NFKB1: variants seen among roughly 807,000 people sequenced by gnomAD.
NFKB1 encodes nuclear factor kappa B subunit 1, also known as nuclear factor NF-kappa-B p105 subunit.
In NFKB1, 9 loss-of-function variants were observed where a neutral mutation model predicts 105.1. The ratio of observed to expected loss-of-function variants is 0.09; its 90% CI spans 0.05 to 0.15. The LOEUF (loss-of-function observed/expected upper bound fraction) is 0.15. Among genes scored for constraint, NFKB1 ranks in the 10% least tolerant of loss-of-function variants. The probability of loss-of-function intolerance (pLI) is 1.00; values close to 1 mark genes in which losing one functional copy is unlikely to be tolerated. For synonymous variants in NFKB1, 440 were observed against 442.2 expected (o/e 1.00, Z 0.06); for missense variants, 830 against 1,203.7 (o/e 0.69, Z 4.59).
intron 6 of NFKB1, among the ~76,000 whole-genome samples, chr4:102,574,685 A>C (rs751731277): frequency 1.3e-4 from 20 of 152,204 alleles, no homozygotes; most frequent in South Asian, 6.2e-4. Context: ...TTTCTTAAAG[A>C]TTACTGTTCT....
intron 1 of NFKB1, among the ~76,000 whole-genome samples, chr4:102,524,131 A>G (rs1171197166): frequency 1.3e-5 from 2 of 152,100 alleles, no homozygotes; most frequent in Non-Finnish European, 2.9e-5. Flanking sequence ...AATTTGATCT[A>G]AATAAATTTA....
chr4:102,604,716 AC>A, intron 16 of NFKB1, among the ~76,000 whole-genome samples: 1 of 151,450 alleles, frequency 6.6e-6, no homozygotes, highest in Non-Finnish European at 1.5e-5. Context: ...CTAACTTCCT[AC>A]CTCAGTAGAT....
intron 5 of NFKB1, among the ~76,000 whole-genome samples, chr4:102,553,364 C>G (rs2149146789): frequency 6.6e-6 from 1 of 152,096 alleles, no homozygotes; most frequent in South Asian, 2.1e-4. Flanking sequence ...GATATTCAAT[C>G]CCAAGTAAAT....
chr4:102,523,421 A>C (rs539941809), intron 1 of NFKB1, among the ~76,000 whole-genome samples: 3 of 152,154 alleles, frequency 2.0e-5, no homozygotes, highest in African/African-American at 7.2e-5. Flanking sequence ...TAGAATGCTC[A>C]TCAGCTTTCT....
intron 6 of NFKB1, among the ~76,000 whole-genome samples, chr4:102,571,674 G>T (rs545327020): frequency 6.6e-6 from 1 of 152,198 alleles, no homozygotes; most frequent in African/African-American, 2.4e-5. Context: ...GTGGGCAAAG[G>T]ATATGAACAG....
At chr4:102,571,131 C>T (rs569954469) in intron 6 of NFKB1, among the ~76,000 whole-genome samples, 3 of 152,296 alleles carry the variant, frequency 2.0e-5, no homozygotes, top group Admixed American at 2.0e-4. Context: ...GGTACCAAAA[C>T]AGAGATATAG....
intron 1 of NFKB1, among the ~76,000 whole-genome samples, chr4:102,525,145 A>G (rs1254179668): frequency 6.6e-6 from 1 of 152,210 alleles, no homozygotes; most frequent in African/African-American, 2.4e-5. Flanking sequence ...TTAAGGAACT[A>G]AGACTGTAAA....
At chr4:102,544,454 T>C (rs1259664444) in intron 5 of NFKB1, among the ~76,000 whole-genome samples, 1 of 152,128 alleles carries the variant, frequency 6.6e-6, no homozygotes, top group Non-Finnish European at 1.5e-5. Context: ...TGCTCTTCCA[T>C]GCATTTGCAG....
At chr4:102,606,449 A>G (rs777077337) in intron 16 of NFKB1, 47 bp from the exon 17 acceptor site, 4 of 1,560,266 alleles carry the variant, frequency 2.6e-6, no homozygotes, top group Non-Finnish European at 3.5e-6. Context: ...AGTTGTAAGT[A>G]AGTATTCACT....
chr4:102,590,820 C>T, intron 11 of NFKB1, among the ~76,000 whole-genome samples: 1 of 152,062 alleles, frequency 6.6e-6, no homozygotes, highest in Non-Finnish European at 1.5e-5. Context: ...AAATCAAAAG[C>T]CAAAAATGAT....
chr4:102,594,421 T>C (rs1479808132), intron 12 of NFKB1, among the ~76,000 whole-genome samples: 1 of 152,238 alleles, frequency 6.6e-6, no homozygotes, highest in Non-Finnish European at 1.5e-5. Flanking sequence ...GCCATCTGTT[T>C]TCCCAAAGAG....
At chr4:102,530,045 A>C (rs188069666) in intron 3 of NFKB1, 131 bp downstream of exon 3, 2 of 645,986 alleles carry the variant, frequency 3.1e-6, no homozygotes, top group African/African-American at 3.7e-5. Context: ...TTTAAAAACC[A>C]ATCTTTTAAC....
intron 19 of NFKB1, among the ~76,000 whole-genome samples, chr4:102,608,044 G>A (rs1191909088): frequency 1.3e-5 from 2 of 152,182 alleles, no homozygotes; most frequent in Non-Finnish European, 2.9e-5. Context: ...TCAAAGTAGA[G>A]TTTGATTCCT....
At position 102,612,498 on chromosome 4, in the gene NFKB1, T is replaced by C; in HGVS notation, c.2484T>C (p.Asp828=). Residue 828 remains aspartate (D), a synonymous_variant, in exon 22 of 24, where the codon GAT becomes GAC. Coordinates refer to ENST00000226574, the MANE Select transcript of NFKB1 (RefSeq NM_003998.4). The part of the protein sequence containing the change: ...LQLYKLLEIP[D]PDKNWATLAQ... ...TGTATAAGTTACTAGAAATTCCTGA[T>C]CCAGACAAAAACTGGGCTACTCTGG... is the stretch of plus-strand genomic sequence containing the variant. The C allele has an allele frequency of 6.2e-7, 1 of 1,613,962 alleles. No homozygotes were observed.
At chr4:102,592,533 T>G (rs539830117) in intron 11 of NFKB1, among the ~76,000 whole-genome samples, 1 of 152,238 alleles carries the variant, frequency 6.6e-6, no homozygotes, top group Non-Finnish European at 1.5e-5. Context: ...ATTAGCCTGT[T>G]TTAGCAATAA....
chr4:102,510,680 A>G (rs796844454), intron 1 of NFKB1, among the ~76,000 whole-genome samples: 4 of 152,154 alleles, frequency 2.6e-5, no homozygotes, highest in South Asian at 2.1e-4. Context: ...CTGGTGTTGC[A>G]TTTTTTCATT....
chr4:102,550,185 C>T (rs1462714525), intron 5 of NFKB1, among the ~76,000 whole-genome samples: 1 of 152,066 alleles, frequency 6.6e-6, no homozygotes, highest in East Asian at 1.9e-4. Context: ...TTGTCCTATT[C>T]TTGGCCAGTG....
At chr4:102,534,037 C>A in intron 4 of NFKB1, 152 bp downstream of exon 4, 1 of 682,928 alleles carries the variant, frequency 1.5e-6, no homozygotes, top group Non-Finnish European at 2.5e-6. Flanking sequence ...TTTATTCATT[C>A]ACTTTACATT....
At chr4:102,598,348 CAA>C (rs1228374230) in intron 15 of NFKB1, among the ~76,000 whole-genome samples, 1 of 152,210 alleles carries the variant, frequency 6.6e-6, no homozygotes, top group Admixed American at 6.5e-5. Flanking sequence ...ATAAAAATAA[CAA>C]GAGACAGCAG....
Sources: gnomAD v4.1 joint callset for allele counts (sites outside exome capture counted in the v4.1 genomes callset) on GRCh38, gnomAD v4.1.1 for gene constraint, MANE v1.5 for transcripts, NCBI Gene and HGNC (gene_info 2026-07-23, HGNC 2026-07-21) for gene names.